Variants in ANGPT4 observed in about 807,000 individuals in gnomAD.
ANGPT4 encodes the protein angiopoietin 4, also known as angiopoietin-4.
In ANGPT4, 50 loss-of-function variants were observed where a neutral mutation model predicts 53.0. The ratio of observed to expected loss-of-function variants is 0.94; its 90% CI spans 0.75 to 1.20. The LOEUF is 1.20. Among genes scored for constraint, ANGPT4 ranks in the 50% most tolerant of loss-of-function variants. The pLI, the probability that ANGPT4 is intolerant of heterozygous loss-of-function variation, is 0.00. For missense variants in ANGPT4, 648 were observed against 637.1 expected, an observed-to-expected ratio of 1.02 and a Z score of -0.18; for synonymous variants, 251 against 259.7, an observed-to-expected ratio of 0.97 and a Z score of 0.32.
Position 916,047 on chromosome 20 carries a change from A to G in ANGPT4, c.168T>C (p.Pro56=). The change falls in exon 1 of 9, where the codon CCT becomes CCC. Residue 56 remains proline (P), a synonymous_variant. Transcript: ENST00000381922. ...AGTCCCTGGAGACCTCAGGCCCCGG[A>G]GGGCAGGGCTCAGACTTGGGCAGCA... ...TFLLPKSEPC[P]PGPEVSRDSN... 1.2e-6 allele frequency: 2 copies of G among 1,614,132 alleles called. No individual in the cohort carries two copies. The highest frequency in any genetic ancestry group is 1.7e-6 in the Non-Finnish European group (2 of 1,179,994).
chr20:888,201 G>A, intron 3 of ANGPT4, 117 bp downstream of exon 3: 2 of 1,388,806 alleles, frequency 1.4e-6, no homozygotes. Flanking sequence ...CCCACGTCCA[G>A]CTTCCGGTCC....
chr20:885,353 A>T (rs763482667), intron 3 of ANGPT4, 28 bp from the exon 4 acceptor site: 11 of 1,531,264 alleles, frequency 7.2e-6, no homozygotes, highest in African/African-American at 2.7e-5. Flanking sequence ...CACAGAGGTG[A>T]GCCTGGCATC....
intron 3 of ANGPT4, among the ~76,000 whole-genome samples, chr20:888,086 G>A (rs956526053): frequency 1.3e-5 from 2 of 152,024 alleles, no homozygotes; most frequent in Non-Finnish European, 2.9e-5. Flanking sequence ...CCCCAGCAGG[G>A]GCTATTCCCA....
chr20:881,978 A>G (rs1981427702), intron 4 of ANGPT4, among the ~76,000 whole-genome samples: 1 of 152,212 alleles, frequency 6.6e-6, no homozygotes, highest in South Asian at 2.1e-4. Flanking sequence ...CAACTGGCCC[A>G]AGGGCACACA....
Position 916,283 on chromosome 20 carries a change from G to A in ANGPT4, c.-69C>T. 6.6e-7 allele frequency: 1 copy of A among 1,519,112 alleles called. No individual in the cohort carries two copies. The highest frequency in any genetic ancestry group is 8.9e-7 in the Non-Finnish European group (1 of 1,118,900). The allele number at this position is 1,519,112 out of a possible 1,614,324, so 94.1% of individuals were successfully genotyped here. On this transcript the variant is annotated 5_prime_UTR_variant, in exon 1 of 9. Transcript: ENST00000381922. ...GGGGCTGTGCCTGGGATGTCCTGCT[G>A]CAGCCAACAGTGGCCAGGCTTGCCT...
intron 1 of ANGPT4, among the ~76,000 whole-genome samples, chr20:893,806 C>G (rs1981939033): frequency 6.6e-6 from 1 of 152,178 alleles, no homozygotes; most frequent in Admixed American, 6.5e-5. Flanking sequence ...ATCTTAACTT[C>G]TCTTTTTCTT....
At position 916,198 on chromosome 20, in the gene ANGPT4, G is replaced by A; in HGVS notation, c.17C>T (p.Ala6Val). 1.2e-6 allele frequency: 2 copies of A among 1,613,008 alleles called. No individual in the cohort carries two copies. The highest frequency in any genetic ancestry group is 2.2e-5 in the East Asian group (1 of 44,852). The change falls in exon 1 of 9, where the codon GCC becomes GTC. Residue 6 changes from alanine (A) to valine (V), a missense_variant. Ala to Val is a moderately conservative substitution (Grantham distance 64). Transcript: ENST00000381922. ...AAGGAGGAGGCTGCCCTGCAGCATGGCTAGCTGGGAGAGCATCTGAAGATG... is the reference window on the plus strand; with the variant it reads ...AAGGAGGAGGCTGCCCTGCAGCATGACTAGCTGGGAGAGCATCTGAAGATG... MLSQL[A>V]MLQGSLLLVV...
Position 916,022 on chromosome 20 carries a change from AG to A in ANGPT4, c.192del (p.Ser65ProfsTer23). On this transcript the variant is annotated frameshift_variant, in exon 1 of 9. Transcript: ENST00000381922. LOFTEE classifies it high-confidence loss of function. ...PCPPGPEVSR[D>X]SNTLQRESLA... ...AGTGATTCTCTCTGGAGGGTGTTGG[AG>A]TCCCTGGAGACCTCAGGCCCCGGAG... The A allele has an allele frequency of 6.2e-7, 1 of 1,614,152 alleles. No individual in the cohort carries two copies. Among genetic ancestry groups the A allele is most frequent in the South Asian group, 1.1e-5 (1 of 91,086 alleles).
chr20:896,003 A>G (rs1217881975), intron 1 of ANGPT4, among the ~76,000 whole-genome samples: 2 of 152,028 alleles, frequency 1.3e-5, no homozygotes, highest in Admixed American at 6.6e-5. Flanking sequence ...GTCTGTCAAA[A>G]CTCATGGAAC....
intron 7 of ANGPT4, 120 bp downstream of exon 7, chr20:878,041 A>G: frequency 8.6e-7 from 1 of 1,168,836 alleles, no homozygotes; most frequent in Non-Finnish European, 1.2e-6. Flanking sequence ...AGATGGTAGG[A>G]ACAGGAGACA....
chr20:890,415 CCCCCTGTCCCTCCCACGTGTCA>C, intron 1 of ANGPT4, 47 bp from the exon 2 acceptor site: 1 of 1,545,278 alleles, frequency 6.5e-7, no homozygotes, highest in Non-Finnish European at 8.8e-7. Flanking sequence ...GCGGGGGAAG[CCCCCTGTCCCTCCCACGTGTCA>C]CCATGGGAGG....
rs1026379441 is a variant in ANGPT4, at chr20:875,742, C to A, written c.1221-1328G>T. 1.4e-4 allele frequency among the ~76,000 whole-genome samples: 22 copies of A among 152,092 alleles called. 1 individual carries two copies. The highest frequency in any genetic ancestry group is 6.6e-5 in the Admixed American group (1 of 15,262). On this transcript the variant is annotated intron_variant, in intron 7 of 8. Transcript: ENST00000381922. ...ATTTGGCCCTTGGCAGATGGCTGGG[C>A]CTGGTTGGAGAGAATGCGGGGTGTT...
intron 1 of ANGPT4, among the ~76,000 whole-genome samples, chr20:895,935 T>C (rs714681): frequency 0.19 from 29,111 of 151,920 alleles, 4,485 homozygotes; most frequent in African/African-American, 0.43. Flanking sequence ...GGGGAGCTTT[T>C]TGGGATATTG....
intron 3 of ANGPT4, among the ~76,000 whole-genome samples, chr20:887,636 CTT>C (rs55666688): frequency 0.039 from 5,053 of 130,436 alleles, 149 homozygotes; most frequent in African/African-American, 0.1. Context: ...CTCATGACCG[CTT>C]TTTTTTTTTT....
In ANGPT4 at chr20:878,237, G is replaced by T; in HGVS notation, c.1144C>A (p.Leu382Met). ...RRAAYSLRVE[L>M]QDWEGHEAYA... is the part of the protein sequence containing the mutation. The stretch of plus-strand genomic sequence containing the variant: ...GCCTCGTGGCCTTCCCAGTCTTGCA[G>T]CTCCACACGCAGAGAGTAGGCTGCC... The change falls in exon 7 of 9, where the codon CTG becomes ATG. Residue 382 changes from leucine to methionine, a missense_variant. Transcript: ENST00000381922. The T allele has an allele frequency of 6.2e-7, 1 of 1,613,446 alleles. No individual in the cohort carries two copies. Among genetic ancestry groups the T allele is most frequent in the Non-Finnish European group, 8.5e-7 (1 of 1,179,386 alleles).
At chr20:890,185 C>T in intron 2 of ANGPT4, 28 bp downstream of exon 2, 1 of 1,605,156 alleles carries the variant, frequency 6.2e-7, no homozygotes, top group South Asian at 1.1e-5. Flanking sequence ...CACAGGCCCT[C>T]AGTGCCCACT....
chr20:892,053 AC>A (rs980103722), intron 1 of ANGPT4, among the ~76,000 whole-genome samples: 1 of 150,266 alleles, frequency 6.7e-6, no homozygotes, highest in East Asian at 2.0e-4. Flanking sequence ...GACCAGAGAG[AC>A]CCCCCTCCTT....
intron 1 of ANGPT4, 76 bp downstream of exon 1, chr20:915,830 A>G: frequency 1.3e-6 from 2 of 1,489,928 alleles, no homozygotes; most frequent in South Asian, 1.4e-5. Flanking sequence ...GGCCTCTTGG[A>G]TGGACACTCC....
chr20:873,166 G>C (rs769221309), intron 8 of ANGPT4, 46 bp from the exon 9 acceptor site: 18 of 1,495,278 alleles, frequency 1.2e-5, no homozygotes, highest in Non-Finnish European at 1.5e-5. Context: ...TGGGAGCCCA[G>C]CCAGTGGCAA....
Sources: allele counts gnomAD v4.1 joint callset (sites outside exome capture counted in the v4.1 genomes callset), GRCh38; gene constraint gnomAD v4.1.1; transcripts MANE v1.5; gene names NCBI Gene and HGNC (gene_info 2026-07-23, HGNC 2026-07-21).